ABHD12: variants seen among roughly 807,000 people sequenced by gnomAD.
ABHD12 encodes the protein lysophosphatidylserine lipase ABHD12.
A neutral mutation model predicts 58.3 loss-of-function variants in ABHD12; 43 were observed. The ratio of observed to expected loss-of-function variants is 0.74; its 90% CI spans 0.58 to 0.95. The LOEUF is 0.95. Ranked by LOEUF, ABHD12 falls within the 40% of genes least tolerant of loss-of-function variation. ABHD12 has a pLI of 0.00. For synonymous variants in ABHD12, 219 were observed against 211.2 expected, an observed-to-expected ratio of 1.04 and a Z score of -0.32; for missense variants, 539 against 537.2, an observed-to-expected ratio of 1.00 and a Z score of -0.03.
chr20:25,328,997 G>A (rs1439651652), intron 2 of ABHD12, among the ~76,000 whole-genome samples: 3 of 152,192 alleles, frequency 2.0e-5, no homozygotes, highest in Admixed American at 6.5e-5. Context: ...GTGGTGAGAC[G>A]GGTTGGCGTG....
chr20:25,384,221 A>T (rs976823468), intron 1 of ABHD12, among the ~76,000 whole-genome samples: 1 of 151,630 alleles, frequency 6.6e-6, no homozygotes. Context: ...AGCAAAACTG[A>T]TCTAGTTCCT....
chr20:25,314,266 C>T (rs557119199), intron 6 of ABHD12, among the ~76,000 whole-genome samples: 33 of 152,310 alleles, frequency 2.2e-4, no homozygotes, highest in Non-Finnish European at 4.1e-4. Context: ...AACCACCATG[C>T]TCAGCCTCTC....
At chr20:25,309,930 C>T (rs900789120) in intron 6 of ABHD12, among the ~76,000 whole-genome samples, 2 of 152,254 alleles carry the variant, frequency 1.3e-5, no homozygotes, top group Non-Finnish European at 2.9e-5. Flanking sequence ...CACAGAGCTT[C>T]AGAGCTGGCA....
chr20:25,316,441 G>A (rs1048781882), intron 5 of ABHD12, among the ~76,000 whole-genome samples: 2 of 152,174 alleles, frequency 1.3e-5, no homozygotes, highest in African/African-American at 4.8e-5. Context: ...TTACAGGCGT[G>A]AGCCACCACA....
intron 1 of ABHD12, 36 bp downstream of exon 1, chr20:25,390,477 G>GGGGGCCCCCCCCCC: frequency 3.0e-5 from 3 of 98,520 alleles, no homozygotes; most frequent in East Asian, 7.1e-4. Context: ...TGAGGGACCG[G>GGGGGCCCCCCCCCC]CCCCCCCCCC....
At chr20:25,359,091 C>T (rs1600849247) in intron 1 of ABHD12, among the ~76,000 whole-genome samples, 1 of 148,002 alleles carries the variant, frequency 6.8e-6, no homozygotes, top group Admixed American at 6.7e-5. Context: ...ATTAATGATG[C>T]CTCCTTTGTA....
intron 12 of ABHD12, among the ~76,000 whole-genome samples, chr20:25,301,097 T>A (rs2259926): frequency 6.6e-6 from 1 of 151,992 alleles, no homozygotes. Context: ...CACACAGGCA[T>A]GGAGACAAGG....
At chr20:25,369,037 C>A (rs557496448) in intron 1 of ABHD12, among the ~76,000 whole-genome samples, 2 of 152,118 alleles carry the variant, frequency 1.3e-5, no homozygotes, top group East Asian at 3.9e-4. Context: ...GTGGGAAGAC[C>A]GCTTGAGCCA....
chr20:25,387,127 CACA>C (rs966057082), intron 1 of ABHD12, among the ~76,000 whole-genome samples: 3 of 152,164 alleles, frequency 2.0e-5, no homozygotes, highest in African/African-American at 7.2e-5. Context: ...AAAAGCTCCC[CACA>C]ACATTAGCAA....
At chr20:25,366,667 A>G (rs1305505958) in intron 1 of ABHD12, among the ~76,000 whole-genome samples, 3 of 152,164 alleles carry the variant, frequency 2.0e-5, no homozygotes, top group Non-Finnish European at 2.9e-5. Context: ...TTCTTCTAGT[A>G]CTTCTTGGTT....
chr20:25,347,112 C>T (rs1314121826), intron 1 of ABHD12, among the ~76,000 whole-genome samples: 4 of 152,226 alleles, frequency 2.6e-5, no homozygotes, highest in African/African-American at 7.2e-5. Flanking sequence ...AAATATTACA[C>T]GAAGAAATCC....
intron 2 of ABHD12, among the ~76,000 whole-genome samples, chr20:25,336,397 G>A (rs1185540635): frequency 6.6e-6 from 1 of 151,802 alleles, no homozygotes; most frequent in African/African-American, 2.4e-5. Flanking sequence ...GCCTTACATT[G>A]TAGGTGCTAT....
intron 2 of ABHD12, among the ~76,000 whole-genome samples, chr20:25,329,067 G>C (rs1049576203): frequency 3.3e-5 from 5 of 152,258 alleles, no homozygotes; most frequent in African/African-American, 1.2e-4. Context: ...CTGCAGGCCA[G>C]TGCCAGGCGA....
At chr20:25,356,746 T>G (rs1336608714) in intron 1 of ABHD12, among the ~76,000 whole-genome samples, 1 of 152,118 alleles carries the variant, frequency 6.6e-6, no homozygotes, top group East Asian at 1.9e-4. Context: ...AGCCTCTGAC[T>G]GTGATGGAAT....
chr20:25,329,629 G>A (rs529197758), intron 2 of ABHD12, among the ~76,000 whole-genome samples: 2 of 152,340 alleles, frequency 1.3e-5, no homozygotes, highest in South Asian at 4.1e-4. Context: ...ATTTGTTGCG[G>A]GAAAGGCTGA....
chr20:25,318,918 C>CTCTTTCA (rs1292236299), intron 4 of ABHD12, among the ~76,000 whole-genome samples: 1 of 152,218 alleles, frequency 6.6e-6, no homozygotes, highest in Non-Finnish European at 1.5e-5. Flanking sequence ...TGCCGCCAGG[C>CTCTTTCA]TCTTTCAGCA....
intron 3 of ABHD12, among the ~76,000 whole-genome samples, chr20:25,321,628 T>C (rs1200914425): frequency 6.6e-6 from 1 of 152,244 alleles, no homozygotes; most frequent in South Asian, 2.1e-4. Context: ...CCTTTTCTGG[T>C]AGCTGATAAT....
intron 1 of ABHD12, among the ~76,000 whole-genome samples, chr20:25,380,160 T>G (rs999392629): frequency 6.6e-6 from 1 of 152,212 alleles, no homozygotes; most frequent in African/African-American, 2.4e-5. Flanking sequence ...TCTCACACAT[T>G]GTGGTTTTCA....
At chr20:25,331,514 A>G (rs1053919042) in intron 2 of ABHD12, among the ~76,000 whole-genome samples, 1 of 152,234 alleles carries the variant, frequency 6.6e-6, no homozygotes, top group African/African-American at 2.4e-5. Context: ...CAGATTCACG[A>G]AAGTTGAAAT....
Sources: allele counts gnomAD v4.1 joint callset (sites outside exome capture counted in the v4.1 genomes callset), GRCh38; gene constraint gnomAD v4.1.1; transcripts MANE v1.5; gene names NCBI Gene and HGNC (gene_info 2026-07-23, HGNC 2026-07-21).